Variants in HROB observed in about 807,000 individuals in gnomAD.
HROB encodes the protein homologous recombination factor with OB-fold.
A neutral mutation model predicts 61.0 loss-of-function variants in HROB; 44 were observed. The ratio of observed to expected loss-of-function variants is 0.72; its 90% CI spans 0.57 to 0.93. HROB has a LOEUF of 0.93. HROB is among the 40% of genes least tolerant of loss of function. The pLI, the probability that HROB is intolerant of heterozygous loss-of-function variation, is 0.00. For synonymous variants in HROB, 301 were observed against 310.4 expected, an observed-to-expected ratio of 0.97 and a Z score of 0.32; for missense variants, 716 against 796.2, an observed-to-expected ratio of 0.90 and a Z score of 1.21.
At position 44,148,154 on chromosome 17, in the gene HROB, G is replaced by C. The variant is rs777280787; in HGVS notation, c.351G>C (p.Val117=). 6.2e-7 allele frequency: 1 copy of C among 1,614,182 alleles called. No individual in the cohort carries two copies. Among genetic ancestry groups the C allele is most frequent in the South Asian group, 1.1e-5 (1 of 91,084 alleles). ...GCTGGATTGGCAATCAGAGAAGAGT[G>C]ACAGTGACAGAAGTGCTCAGAGAGA... The part of the protein sequence containing the change: ...SSSWIGNQRR[V]TVTEVLRETA... Residue 117 remains valine, a synonymous_variant, in exon 3 of 10, where the codon GTG becomes GTC. Transcript: ENST00000585683.
At position 44,142,118 on chromosome 17, in the gene HROB, C is replaced by G; in HGVS notation, c.-25C>G. 6.5e-7 allele frequency: 1 copy of G among 1,530,458 alleles called. No individual in the cohort carries two copies. The highest frequency in any genetic ancestry group is 8.7e-7 in the Non-Finnish European group (1 of 1,144,122). 94.8% of individuals were successfully genotyped at this position (1,530,458 alleles called of 1,614,324 possible). A position where few individuals can be genotyped will look rare whatever the true frequency, so the allele number is the denominator to read the frequency against. ...GACTCGGGGTGCCGGGCCAACCTCC[C>G]CGCCGAGGCCCACCCGCCGTCGCTA... On this transcript the variant is annotated 5_prime_UTR_variant, in exon 1 of 10. Transcript: ENST00000585683.
Position 44,148,213 on chromosome 17 carries a change from T to C in HROB, c.410T>C (p.Leu137Pro), listed in dbSNP as rs2053673343. ...CCTCAGTCCTCAGCCTTACACCCCC[T>C]ACTCACCTTTGAGAGCCAACAGCAG... The part of the protein sequence containing the change: ...ARPQSSALHP[L>P]LTFESQQQQV... Residue 137 changes from leucine to proline, a missense_variant, in exon 3 of 10, where the codon CTA (leucine) becomes CCA (proline). Leu to Pro is a moderately conservative substitution (Grantham distance 98, BLOSUM62 -3). Transcript: ENST00000585683. The C allele has an allele frequency of 6.2e-7, 1 of 1,614,142 alleles. No individual in the cohort carries two copies. Among genetic ancestry groups the C allele is most frequent in the Non-Finnish European group, 8.5e-7 (1 of 1,180,016 alleles).
intron 9 of HROB, among the ~76,000 whole-genome samples, chr17:44,160,615 G>C (rs1218121978): frequency 6.6e-6 from 1 of 152,052 alleles, no homozygotes; most frequent in African/African-American, 2.4e-5. Context: ...CCTATTTCTA[G>C]TATAACTTTT....
intron 9 of HROB, among the ~76,000 whole-genome samples, chr17:44,159,080 G>T (rs758948250): frequency 6.6e-6 from 1 of 152,134 alleles, no homozygotes; most frequent in Non-Finnish European, 1.5e-5. Flanking sequence ...ATGACCTACC[G>T]TGCCCAGCCT....
chr17:44,157,863 G>T lies in HROB; in HGVS notation c.1801G>T (p.Ala601Ser). The part of the protein sequence containing the change: ...DSGSFQHDVA[A>S]KPEEGFRTAQ... ...AGGGAGCTTCCAGCATGATGTGGCTGCAAAGCCCGAGGAAGGCTTCAGAAC... is the reference window on the plus strand; with the variant it reads ...AGGGAGCTTCCAGCATGATGTGGCTTCAAAGCCCGAGGAAGGCTTCAGAAC... Residue 601 changes from alanine to serine, a missense_variant, in exon 9 of 10, where the codon GCA (alanine) becomes TCA (serine). Transcript: ENST00000585683. 6.2e-7 allele frequency: 1 copy of T among 1,613,242 alleles called. No individual in the cohort carries two copies. The highest frequency in any genetic ancestry group is 8.5e-7 in the Non-Finnish European group (1 of 1,179,516).
chr17:44,155,081 G>A, intron 7 of HROB, 143 bp downstream of exon 7: 1 of 1,278,784 alleles, frequency 7.8e-7, no homozygotes, highest in Non-Finnish European at 1.1e-6. Flanking sequence ...GCTCAGGGAA[G>A]GCCTGTGGCC....
rs115172709 is a variant in HROB at position 44,152,536 on chromosome 17, G to T, written c.1309-101G>T. ...CATTGTACTACAGTTTTTCCGAGGG[G>T]ATTTGCCTTTCCTCTCTCACCCTTC... is the stretch of plus-strand genomic sequence containing the variant. On this transcript the variant is annotated intron_variant, in intron 4 of 9. Coordinates refer to ENST00000585683, the MANE Select transcript of HROB (RefSeq NM_001171251.3). 2.2e-4 allele frequency: 296 copies of T among 1,376,600 alleles called. No individual in the cohort carries two copies. In the African/African-American group the frequency reaches 4.0e-3, roughly 18 times the overall value. 85.3% of individuals were successfully genotyped at this position (1,376,600 alleles called of 1,614,324 possible). A position where few individuals can be genotyped will look rare whatever the true frequency, so the allele number is the denominator to read the frequency against.
chr17:44,150,638 G>A (rs1413712215), intron 3 of HROB, among the ~76,000 whole-genome samples: 4 of 152,116 alleles, frequency 2.6e-5, no homozygotes, highest in Non-Finnish European at 2.9e-5. Context: ...TGATCCACCC[G>A]CCTCAGCCTC....
At chr17:44,158,955 C>T (rs1344937782) in intron 9 of HROB, among the ~76,000 whole-genome samples, 2 of 152,016 alleles carry the variant, frequency 1.3e-5, no homozygotes, top group Non-Finnish European at 2.9e-5. Context: ...CCATGCCCAG[C>T]AATTTTTAAA....
intron 1 of HROB, among the ~76,000 whole-genome samples, chr17:44,142,681 C>T (rs986265329): frequency 6.6e-6 from 1 of 152,018 alleles, no homozygotes; most frequent in Non-Finnish European, 1.5e-5. Flanking sequence ...TCATCAGGAA[C>T]TGGCTACAGC....
chr17:44,151,001 C>T lies in HROB; in HGVS notation c.1265C>T (p.Pro422Leu), dbSNP rs199551211. The T allele has an allele frequency of 1.9e-6, 3 of 1,613,228 alleles. No individual in the cohort carries two copies. The highest frequency in any genetic ancestry group is 1.3e-5 in the African/African-American group (1 of 74,904). Residue 422 changes from proline (P) to leucine (L), a missense_variant, in exon 4 of 10, where the codon CCC (proline) becomes CTC (leucine). Pro to Leu is a moderately conservative substitution (Grantham distance 98, BLOSUM62 -3). Coordinates refer to ENST00000585683, the MANE Select transcript of HROB (RefSeq NM_001171251.3). Reference sequence around the variant, plus strand: ...CTGGAGGACATCATGGTTTCCGCGCCCCAAACTCCAACCCATGGTGCTCTG... The same window carrying T: ...CTGGAGGACATCATGGTTTCCGCGCTCCAAACTCCAACCCATGGTGCTCTG... The part of the protein sequence containing the change: ...RSLEDIMVSA[P>L]QTPTHGALAK...
rs1468395704 is a variant in HROB at position 44,154,574 on chromosome 17, C to T, written c.1468C>T (p.Pro490Ser). The change falls in exon 6 of 10, where the codon CCT becomes TCT. Residue 490 changes from proline to serine, a missense_variant. Physicochemically the swap from Pro to Ser is moderately conservative, Grantham distance 74. Transcript: ENST00000585683. ...VLRKAALKQL[P>S]RNKVPNMAVM... ...TAAGCAGGCAGCCCTGAAGCAGCTTCCTAGGAACAAGGTCCCCAACATGGC... is the reference window on the plus strand; with the variant it reads ...TAAGCAGGCAGCCCTGAAGCAGCTTTCTAGGAACAAGGTCCCCAACATGGC... 3.1e-6 allele frequency: 5 copies of T among 1,613,996 alleles called. No homozygotes were observed. Among genetic ancestry groups the T allele is most frequent in the African/African-American group, 2.7e-5 (2 of 74,910 alleles).
chr17:44,157,951 T>C lies in HROB; in HGVS notation c.1879+10T>C. The C allele has an allele frequency of 6.2e-7, 1 of 1,601,840 alleles. No homozygotes were observed. Among genetic ancestry groups the C allele is most frequent in the Admixed American group, 1.7e-5 (1 of 59,588 alleles). On this transcript the variant is annotated intron_variant, in intron 9 of 9. Coordinates refer to ENST00000585683, the MANE Select transcript of HROB (RefSeq NM_001171251.3). Reference sequence around the variant, plus strand: ...GAACTCCCAGAAGCAGGTAAAGCAGTCAGCCCATCTGGGAGCAAGAGAGGT... The same window carrying C: ...GAACTCCCAGAAGCAGGTAAAGCAGCCAGCCCATCTGGGAGCAAGAGAGGT...
In HROB at chr17:44,152,795, T is replaced by C. The variant is rs1372890711; in HGVS notation, c.1449+18T>C. On this transcript the variant is annotated intron_variant, in intron 5 of 9. Transcript: ENST00000585683. ...TGCGCAAGGTAAGGATTCTGGGTGC[T>C]GAGACCCAAAGGAAAGACCATTTTT... The C allele has an allele frequency of 6.2e-7, 1 of 1,609,950 alleles. No individual in the cohort carries two copies. Among genetic ancestry groups the C allele is most frequent in the Non-Finnish European group, 8.5e-7 (1 of 1,178,238 alleles).
In HROB at chr17:44,155,405, C is replaced by T. The variant is rs900951456; in HGVS notation, c.1764C>T (p.Phe588=). 6.2e-7 allele frequency: 1 copy of T among 1,613,992 alleles called. No individual in the cohort carries two copies. Among genetic ancestry groups the T allele is most frequent in the African/African-American group, 1.3e-5 (1 of 75,052 alleles). Residue 588 remains phenylalanine (F), a synonymous_variant, in exon 8 of 10, where the codon TTC becomes TTT. Transcript: ENST00000585683. ...GCTTCCTCAAGCCATCTCAGCCCTT[C>T]CCCAAGGTAAGAGGAGCAGGAAGAA... ...DGSFLKPSQP[F]PKDSGSFQHD...
intron 1 of HROB, 148 bp from the exon 2 acceptor site, chr17:44,145,055 C>A: frequency 1.2e-6 from 1 of 822,392 alleles, no homozygotes; most frequent in South Asian, 1.7e-5. Flanking sequence ...CATTTCTTCT[C>A]ATTCCTTAGT....
intron 1 of HROB, among the ~76,000 whole-genome samples, chr17:44,144,177 G>T (rs2053543729): frequency 6.6e-6 from 1 of 151,278 alleles, no homozygotes. Flanking sequence ...GTCTTGCCCT[G>T]TCGCCCAGGC....
intron 9 of HROB, among the ~76,000 whole-genome samples, chr17:44,160,335 A>G (rs1307147039): frequency 3.9e-5 from 6 of 152,216 alleles, no homozygotes; most frequent in Non-Finnish European, 5.9e-5. Flanking sequence ...TGGGAGGCCA[A>G]GGTGGGCGGA....
chr17:44,146,026 G>C lies in HROB; in HGVS notation c.54+773G>C, dbSNP rs528568312. ...TCTTCCTGATGCTCTCCACCTCCCT[G>C]CCCCCGGCAGCCCCCACTGTGTGAA... On this transcript the variant is annotated intron_variant, in intron 2 of 9. Coordinates refer to ENST00000585683, the MANE Select transcript of HROB (RefSeq NM_001171251.3). Among the ~76,000 whole-genome samples the C allele has an allele frequency of 9.9e-5, 15 of 152,098 alleles. No individual in the cohort carries two copies. In the South Asian group the frequency reaches 3.1e-3, roughly 32 times the overall value.
Sources: gnomAD v4.1 joint callset for allele counts (sites outside exome capture counted in the v4.1 genomes callset) on GRCh38, gnomAD v4.1.1 for gene constraint, MANE v1.5 for transcripts, NCBI Gene and HGNC (gene_info 2026-07-23, HGNC 2026-07-21) for gene names.